Variants in SCN8A observed in about 807,000 individuals in gnomAD.
SCN8A encodes the protein sodium voltage-gated channel alpha subunit 8.
In SCN8A, 30 loss-of-function variants were observed where a neutral mutation model predicts 184.1. The observed-to-expected ratio is 0.16, with a 90% CI of 0.12 to 0.22. The LOEUF (loss-of-function observed/expected upper bound fraction) is 0.22. Ranked by LOEUF, SCN8A falls within the 10% of genes least tolerant of loss-of-function variation. The pLI, the probability that SCN8A is intolerant of heterozygous loss-of-function variation, is 1.00. For missense variants in SCN8A, 1,057 were observed against 2,498.9 expected, an observed-to-expected ratio of 0.42 and a Z score of 12.30; for synonymous variants, 852 against 907.0, an observed-to-expected ratio of 0.94 and a Z score of 1.09.
Position 51,702,753 on chromosome 12 carries a change from A to C in SCN8A, c.993-20A>C. 1 of 1,561,872 alleles carries C rather than the reference A, an allele frequency of 6.4e-7. No individual in the cohort carries two copies. Among genetic ancestry groups the C allele is most frequent in the African/African-American group, 1.4e-5 (1 of 73,508 alleles). On this transcript the variant is annotated intron_variant, in intron 8 of 26. Coordinates refer to ENST00000627620, the MANE Select transcript of SCN8A (RefSeq NM_001330260.2). ...GTGGAATTATGTTGAAAAGTCCTGA[A>C]CTTCCCTTTCTTTCTTTAGGCAATG...
chr12:51,694,428 A>C (rs1941560861), intron 6 of SCN8A, among the ~76,000 whole-genome samples: 1 of 152,202 alleles, frequency 6.6e-6, no homozygotes, highest in African/African-American at 2.4e-5. Flanking sequence ...GCTTCTTAAA[A>C]TTCCTTAAAT....
At position 51,794,480 on chromosome 12, in the gene SCN8A, C is replaced by T. The variant is rs759753811; in HGVS notation, c.4634C>T (p.Thr1545Ile). The T allele has an allele frequency of 3.1e-6, 5 of 1,613,986 alleles. No individual in the cohort carries two copies. The highest frequency in any genetic ancestry group is 2.2e-5 in the East Asian group (1 of 44,888). Residue 1545 changes from threonine (T) to isoleucine (I), a missense_variant, in exon 26 of 27, where the codon ACT becomes ATT. Physicochemically the swap from Thr to Ile is moderately conservative, Grantham distance 89. Coordinates refer to ENST00000627620, the MANE Select transcript of SCN8A (RefSeq NM_001330260.2). ...GTGACAATGATGGTGGAGACAGACA[C>T]TCAAAGCAAGCAGATGGAGAACATC... ...NMVTMMVETD[T>I]QSKQMENILY...
chr12:51,601,120 A>G (rs759609915), intron 1 of SCN8A, among the ~76,000 whole-genome samples: 8 of 152,242 alleles, frequency 5.3e-5, no homozygotes, highest in Non-Finnish European at 1.2e-4. Context: ...ACTGTTATAC[A>G]ATAGTCTCTT....
At chr12:51,768,820 T>A (rs745679094) in intron 16 of SCN8A, 45 bp from the exon 17 acceptor site, 1 of 1,489,682 alleles carries the variant, frequency 6.7e-7, no homozygotes, top group African/African-American at 1.4e-5. Flanking sequence ...GTTCGATGGA[T>A]AACTTTTCTG....
chr12:51,797,011 A>G (rs561263936), intron 26 of SCN8A, among the ~76,000 whole-genome samples: 55 of 152,256 alleles, frequency 3.6e-4, no homozygotes, highest in Admixed American at 1.6e-3. Flanking sequence ...AGTAATGGCA[A>G]AAACTGCAAT....
chr12:51,645,044 C>G (rs566830659), intron 1 of SCN8A, among the ~76,000 whole-genome samples: 2 of 151,560 alleles, frequency 1.3e-5, no homozygotes, highest in Non-Finnish European at 1.5e-5. Context: ...GTCAGCCCCC[C>G]ACCCGGCCAG....
chr12:51,703,806 A>G (rs187115528), intron 9 of SCN8A, among the ~76,000 whole-genome samples: 2 of 152,356 alleles, frequency 1.3e-5, no homozygotes, highest in Non-Finnish European at 2.9e-5. Flanking sequence ...GGAAGTTTCT[A>G]GTTCAAATAT....
intron 1 of SCN8A, among the ~76,000 whole-genome samples, chr12:51,660,962 T>A (rs1423273950): frequency 6.6e-6 from 1 of 152,096 alleles, no homozygotes; most frequent in East Asian, 1.9e-4. Flanking sequence ...GGGGAAAGCA[T>A]TGTAACTAGT....
intron 1 of SCN8A, among the ~76,000 whole-genome samples, chr12:51,607,639 G>A (rs1056025467): frequency 3.9e-5 from 6 of 152,166 alleles, no homozygotes; most frequent in African/African-American, 1.4e-4. Flanking sequence ...ATCATAAAGC[G>A]ATGCTGCATT....
intron 26 of SCN8A, among the ~76,000 whole-genome samples, chr12:51,801,768 C>T (rs1938562063): frequency 6.6e-6 from 1 of 152,100 alleles, no homozygotes; most frequent in African/African-American, 2.4e-5. Flanking sequence ...TAGAGAACTC[C>T]AGCAGGCCAG....
At chr12:51,781,664 A>G (rs564313835) in intron 21 of SCN8A, among the ~76,000 whole-genome samples, 18 of 152,156 alleles carry the variant, frequency 1.2e-4, no homozygotes, top group Non-Finnish European at 2.2e-4. Context: ...ACGCACGCGC[A>G]CACACACACA....
chr12:51,700,631 T>C (rs1941671105), intron 7 of SCN8A, among the ~76,000 whole-genome samples: 1 of 152,220 alleles, frequency 6.6e-6, no homozygotes, highest in Admixed American at 6.5e-5. Context: ...CTATTAGTCA[T>C]TCCTGAGAAA....
chr12:51,806,931 G>A lies in SCN8A; in HGVS notation c.5445G>A (p.Leu1815=), dbSNP rs2138943697. The A allele has an allele frequency of 1.2e-6, 2 of 1,613,538 alleles. No homozygotes were observed. The highest frequency in any genetic ancestry group is 1.7e-6 in the Non-Finnish European group (2 of 1,179,504). The part of the protein sequence containing the change: ...YCKLADFADA[L]EHPLRVPKPN... ...AGCTGGCAGACTTTGCAGATGCCTT[G>A]GAGCATCCTCTCCGAGTGCCCAAGC... The change falls in exon 27 of 27, where the codon TTG becomes TTA. Residue 1815 remains leucine (L), a synonymous_variant. Transcript: ENST00000627620. This position sits in a 1 kb window ranked among gnomAD's most constrained non-coding sequence, Gnocchi z 8.7.
At chr12:51,786,953 AGTATT>A in intron 22 of SCN8A, 127 bp downstream of exon 22, 2 of 942,842 alleles carry the variant, frequency 2.1e-6, no homozygotes, top group Non-Finnish European at 3.1e-6. Context: ...CCAAGAAAAC[AGTATT>A]GTTCCCCAAA....
At chr12:51,702,321 C>CAAAAA (rs747855764) in intron 8 of SCN8A, among the ~76,000 whole-genome samples, 19 of 76,570 alleles carry the variant, frequency 2.5e-4, no homozygotes, top group African/African-American at 7.1e-4. Context: ...GACTCTGTAT[C>CAAAAA]AAAAAAAAAA....
At chr12:51,717,930 G>T (rs914749756) in intron 11 of SCN8A, among the ~76,000 whole-genome samples, 1 of 152,128 alleles carries the variant, frequency 6.6e-6, no homozygotes, top group Non-Finnish European at 1.5e-5. Context: ...TTCATTTATT[G>T]TCTTAGAAGT....
intron 1 of SCN8A, among the ~76,000 whole-genome samples, chr12:51,636,888 A>G (rs865923894): frequency 6.6e-6 from 1 of 152,314 alleles, no homozygotes; most frequent in Non-Finnish European, 1.5e-5. Context: ...ACCTCATTTT[A>G]TTGGGCTTTG....
intron 21 of SCN8A, among the ~76,000 whole-genome samples, chr12:51,785,368 G>A (rs1938054066): frequency 6.6e-6 from 1 of 152,162 alleles, no homozygotes; most frequent in Non-Finnish European, 1.5e-5. Flanking sequence ...AGAAATAACT[G>A]CCTCTCAGTC....
chr12:51,811,995 G>A lies in SCN8A; in HGVS notation c.*4566G>A, dbSNP rs1388082690. 2 of 152,182 alleles carry A rather than the reference G, an allele frequency of 1.3e-5. No individual in the cohort carries two copies. Among genetic ancestry groups the A allele is most frequent in the Non-Finnish European group, 2.9e-5 (2 of 68,054 alleles). 9.4% of individuals were successfully genotyped at this position (152,182 alleles called of 1,614,324 possible). A position where few individuals can be genotyped will look rare whatever the true frequency, so the allele number is the denominator to read the frequency against. On this transcript the variant is annotated 3_prime_UTR_variant, in exon 27 of 27. Transcript: ENST00000627620. ...GAATTGGCTGCAACTTGCCAGCCAG[G>A]GGGACATCAGGAGAGAAGAGGAAGT...
Sources: allele counts gnomAD v4.1 joint callset (sites outside exome capture counted in the v4.1 genomes callset), GRCh38; gene constraint gnomAD v4.1.1; non-coding constraint Gnocchi (gnomAD v3.1); transcripts MANE v1.5; gene names NCBI Gene and HGNC (gene_info 2026-07-23, HGNC 2026-07-21).